Variants in SLC1A1 observed in about 807,000 individuals in gnomAD.
SLC1A1 encodes excitatory amino acid transporter 3.
A neutral mutation model predicts 53.3 loss-of-function variants in SLC1A1; 43 were observed. That is an observed-to-expected ratio of 0.81 (90% CI 0.63 to 1.04). The LOEUF is 1.04. Among genes scored for constraint, SLC1A1 ranks in the 50% least tolerant of loss-of-function variants. SLC1A1 has a pLI of 0.00. For missense variants in SLC1A1, 748 were observed against 664.9 expected (o/e 1.12, Z -1.37); for synonymous variants, 307 against 243.2 (o/e 1.26, Z -2.44).
At chr9:4,577,416 C>T (rs188370237) in intron 10 of SLC1A1, among the ~76,000 whole-genome samples, 11 of 152,258 alleles carry the variant, frequency 7.2e-5, no homozygotes, top group African/African-American at 2.2e-4. Context: ...AGGTTTTGTA[C>T]GAAGAGCTTG....
At chr9:4,576,518 C>T in intron 9 of SLC1A1, 51 bp from the exon 10 acceptor site, 1 of 1,494,064 alleles carries the variant, frequency 6.7e-7, no homozygotes, top group Non-Finnish European at 9.3e-7. Context: ...CAGGCAGGGA[C>T]TAAGGTCCAG....
intron 7 of SLC1A1, among the ~76,000 whole-genome samples, chr9:4,572,835 C>CA (rs1435705080): frequency 1.3e-5 from 2 of 152,204 alleles, no homozygotes; most frequent in African/African-American, 4.8e-5. Flanking sequence ...AGGCATTAGC[C>CA]ACCACACCCA....
intron 1 of SLC1A1, among the ~76,000 whole-genome samples, chr9:4,524,558 G>A (rs1816193867): frequency 1.3e-5 from 2 of 152,126 alleles, no homozygotes; most frequent in Admixed American, 6.6e-5. Flanking sequence ...CTGAGACTGG[G>A]TAACTTATAA....
Position 4,558,230 on chromosome 9 carries a change from C to T in SLC1A1, c.233-3219C>T, listed in dbSNP as rs10974622. ...CTCTCCCTCTATGGTGGTCACCACC[C>T]TTATCCCCAACAATGCATTATAAAT... On this transcript the variant is annotated intron_variant, in intron 2 of 11. Coordinates refer to ENST00000262352, the MANE Select transcript of SLC1A1 (RefSeq NM_004170.6). Among the ~76,000 whole-genome samples, 547 of 152,274 alleles carry T rather than the reference C, an allele frequency of 3.6e-3. 3 individuals are homozygous for T. Among genetic ancestry groups the T allele is most frequent in the Non-Finnish European group, 5.6e-3 (379 of 68,028 alleles).
intron 1 of SLC1A1, among the ~76,000 whole-genome samples, chr9:4,535,486 A>G (rs373587490): frequency 2.0e-5 from 3 of 152,126 alleles, no homozygotes; most frequent in African/African-American, 4.8e-5. Context: ...AAATACCTAG[A>G]AATCCAACTT....
At chr9:4,574,672 G>A (rs1276780286) in intron 8 of SLC1A1, among the ~76,000 whole-genome samples, 1 of 152,090 alleles carries the variant, frequency 6.6e-6, no homozygotes, top group Non-Finnish European at 1.5e-5. Context: ...GATAAGTTAT[G>A]AATGGTGCCC....
Position 4,572,293 on chromosome 9 carries a change from T to C in SLC1A1, c.672T>C (p.Leu224=). 1 of 1,614,132 alleles carries C rather than the reference T, an allele frequency of 6.2e-7. No homozygotes were observed. The highest frequency in any genetic ancestry group is 1.3e-5 in the African/African-American group (1 of 75,056). ...GLIVFCLVFG[L]VIGKMGEKGQ... The stretch of plus-strand genomic sequence containing the variant: ...TTGTCTTTTGCCTTGTCTTTGGACT[T>C]GTCATTGGAAAAATGGGAGAAAAGG... Residue 224 remains leucine (L), a synonymous_variant, in exon 7 of 12, where the codon CTT becomes CTC. Transcript: ENST00000262352.
chr9:4,538,970 A>T (rs1816787931), intron 1 of SLC1A1, among the ~76,000 whole-genome samples: 1 of 152,246 alleles, frequency 6.6e-6, no homozygotes, highest in Admixed American at 6.5e-5. Context: ...AATTTGCTTA[A>T]TGTAGTGCCT....
chr9:4,523,403 C>T (rs1011794560), intron 1 of SLC1A1, among the ~76,000 whole-genome samples: 1 of 151,646 alleles, frequency 6.6e-6, no homozygotes, highest in Non-Finnish European at 1.5e-5. Context: ...GACCCTAAGA[C>T]TTTTATTTTG....
At chr9:4,572,520 A>G in intron 7 of SLC1A1, 132 bp downstream of exon 7, 1 of 849,240 alleles carries the variant, frequency 1.2e-6, no homozygotes, top group South Asian at 1.4e-5. Flanking sequence ...GAACCACCAG[A>G]GTATTTTGTG....
At chr9:4,507,414 G>T (rs1291925911) in intron 1 of SLC1A1, among the ~76,000 whole-genome samples, 1 of 152,052 alleles carries the variant, frequency 6.6e-6, no homozygotes, top group Non-Finnish European at 1.5e-5. Flanking sequence ...TGATCCACAT[G>T]GAGTTACTTT....
rs908289743 is a variant in SLC1A1 at position 4,549,777 on chromosome 9, C to G, written c.232+5070C>G. On this transcript the variant is annotated intron_variant, in intron 2 of 11. Coordinates refer to ENST00000262352, the MANE Select transcript of SLC1A1 (RefSeq NM_004170.6). This position sits in a 1 kb window ranked among gnomAD's most constrained non-coding sequence, Gnocchi z 4.1. ...CCCCATCAGGAGCCTTCCATAGACTCCATACCATAGTACCTGCTGGGTTAT... is the reference window on the plus strand; with the variant it reads ...CCCCATCAGGAGCCTTCCATAGACTGCATACCATAGTACCTGCTGGGTTAT... 6.6e-6 allele frequency among the ~76,000 whole-genome samples: 1 copy of G among 152,196 alleles called. No homozygotes were observed. Among genetic ancestry groups the G allele is most frequent in the African/African-American group, 2.4e-5 (1 of 41,438 alleles).
chr9:4,548,088 G>C (rs184186254), intron 2 of SLC1A1, among the ~76,000 whole-genome samples: 159 of 152,270 alleles, frequency 1.0e-3, no homozygotes, highest in Non-Finnish European at 1.4e-3. Context: ...TGTTTGGTTT[G>C]TATTTTTAAT....
chr9:4,500,395 C>T (rs1820592217), intron 1 of SLC1A1, among the ~76,000 whole-genome samples: 1 of 152,164 alleles, frequency 6.6e-6, no homozygotes, highest in African/African-American at 2.4e-5. Flanking sequence ...GCAACCTCCA[C>T]CTCCCAGGTT....
Position 4,490,759 on chromosome 9 carries a change from C to T in SLC1A1, c.80C>T (p.Ala27Val). 6.2e-7 allele frequency: 1 copy of T among 1,612,174 alleles called. No homozygotes were observed. Among genetic ancestry groups the T allele is most frequent in the African/African-American group, 1.3e-5 (1 of 74,974 alleles). The part of the protein sequence containing the change: ...NNWVLLSTVA[A>V]VVLGITTGVL... ...TGGGTGTTGCTGTCCACCGTGGCCG[C>T]GGTGGTGCTAGGTGAGCGGCGCGGC... The change falls in exon 1 of 12, where the codon GCG becomes GTG. Residue 27 changes from alanine to valine, a missense_variant. Transcript: ENST00000262352.
At chr9:4,554,072 G>C (rs1398272588) in intron 2 of SLC1A1, 1 of 152,188 alleles carries the variant, frequency 6.6e-6, no homozygotes, top group Non-Finnish European at 1.5e-5. Flanking sequence ...GCAGCCCTAT[G>C]AAGTCATCAA....
intron 2 of SLC1A1, chr9:4,560,055 T>C (rs1040322483): frequency 2.0e-5 from 3 of 152,206 alleles, no homozygotes; most frequent in Non-Finnish European, 2.9e-5. Flanking sequence ...CAAGGACCAT[T>C]TGAAGTGAGA....
At chr9:4,533,048 G>A (rs1816535789) in intron 1 of SLC1A1, among the ~76,000 whole-genome samples, 1 of 152,088 alleles carries the variant, frequency 6.6e-6, no homozygotes, top group Admixed American at 6.5e-5. Flanking sequence ...TGCCTTACAA[G>A]AGCTCCTGAA....
At chr9:4,526,744 G>C (rs1190715750) in intron 1 of SLC1A1, among the ~76,000 whole-genome samples, 4 of 152,090 alleles carry the variant, frequency 2.6e-5, no homozygotes, top group Admixed American at 2.0e-4. Flanking sequence ...GTTAATGCCA[G>C]TGTTGCATGA....
Sources: allele counts gnomAD v4.1 joint callset (sites outside exome capture counted in the v4.1 genomes callset), GRCh38; gene constraint gnomAD v4.1.1; non-coding constraint Gnocchi (gnomAD v3.1); transcripts MANE v1.5; gene names NCBI Gene and HGNC (gene_info 2026-07-23, HGNC 2026-07-21).